The following TSEN15 variants were observed in gnomAD, a reference collection of about 807,000 sequenced individuals.
The protein encoded by TSEN15 is tRNA-splicing endonuclease subunit Sen15.
Under a neutral mutation model 20.5 loss-of-function variants are expected in TSEN15, and 10 were observed. The ratio of observed to expected loss-of-function variants is 0.49; its 90% CI spans 0.30 to 0.83. The LOEUF (loss-of-function observed/expected upper bound fraction) is 0.83. TSEN15 is among the 40% of genes least tolerant of loss of function. The pLI, the probability that TSEN15 is intolerant of heterozygous loss-of-function variation, is 0.06. For missense variants in TSEN15, 180 were observed against 218.6 expected (o/e 0.82, Z 1.11); for synonymous variants, 72 against 80.1 (o/e 0.90, Z 0.54).
chr1:184,084,125 G>T (rs1651217958), intron 3 of TSEN15, among the ~76,000 whole-genome samples: 1 of 152,120 alleles, frequency 6.6e-6, no homozygotes, highest in African/African-American at 2.4e-5. Context: ...GACAAAGTGT[G>T]TCCTTCCAGG....
intron 3 of TSEN15, among the ~76,000 whole-genome samples, chr1:184,055,558 A>G (rs899993715): frequency 6.6e-6 from 1 of 152,368 alleles, no homozygotes. Flanking sequence ...AACAGCTGTT[A>G]TAAGATGTAC....
chr1:184,088,226 A>C (rs1486298486), intron 3 of TSEN15, among the ~76,000 whole-genome samples: 1 of 152,014 alleles, frequency 6.6e-6, no homozygotes, highest in East Asian at 1.9e-4. Context: ...CACACTGCGG[A>C]GTTATCTTAG....
At chr1:184,095,857 G>C in exon 4 of TSEN15, 2 of 397,950 alleles carry the variant, frequency 5.0e-6, no homozygotes, top group Non-Finnish European at 8.9e-6. Flanking sequence ...CCTGGTCTGT[G>C]GTATTTTGTT....
intron 3 of TSEN15, among the ~76,000 whole-genome samples, chr1:184,063,781 C>T (rs1229436547): frequency 6.6e-6 from 1 of 151,764 alleles, no homozygotes. Context: ...ATTTTTAAAT[C>T]CATTGCCTTT....
rs1367503368 is a variant in TSEN15 at position 184,072,811 on chromosome 1, T to C, written c.496-16T>C. On this transcript the variant is annotated splice_polypyrimidine_tract_variant and intron_variant, in intron 4 of 4. Coordinates refer to ENST00000645668, the MANE Select transcript of TSEN15 (RefSeq NM_052965.4). ...TTTATCGGAGAAAAGTCCATCCTGA[T>C]CTTTTTTTTTTCCAGAATATTTCTC... 1.9e-6 allele frequency: 3 copies of C among 1,595,476 alleles called. No individual in the cohort carries two copies. The highest frequency in any genetic ancestry group is 2.6e-6 in the Non-Finnish European group (3 of 1,170,824).
intron 3 of TSEN15, among the ~76,000 whole-genome samples, chr1:184,070,291 C>T (rs1190385195): frequency 6.6e-6 from 1 of 151,978 alleles, no homozygotes; most frequent in Non-Finnish European, 1.5e-5. Context: ...AACATTATAT[C>T]TTCAGAAATG....
chr1:184,087,918 G>A (rs529022153), intron 3 of TSEN15, among the ~76,000 whole-genome samples: 6 of 152,258 alleles, frequency 3.9e-5, no homozygotes, highest in South Asian at 4.1e-4. Context: ...AGATAGTATC[G>A]GAGATGGAGG....
intron 3 of TSEN15, among the ~76,000 whole-genome samples, chr1:184,085,421 A>G (rs544392034): frequency 6.6e-6 from 1 of 152,380 alleles, no homozygotes; most frequent in East Asian, 1.9e-4. Context: ...TGTCTGATAC[A>G]TAGTGGGTGT....
At chr1:184,063,600 C>T in intron 3 of TSEN15, among the ~76,000 whole-genome samples, 1 of 152,034 alleles carries the variant, frequency 6.6e-6, no homozygotes, top group Admixed American at 6.6e-5. Flanking sequence ...TACATTGAAT[C>T]CGATGAATTT....
chr1:184,085,122 T>A (rs535784042), intron 3 of TSEN15, among the ~76,000 whole-genome samples: 1 of 152,248 alleles, frequency 6.6e-6, no homozygotes, highest in East Asian at 1.9e-4. Flanking sequence ...GAAGCTGTAC[T>A]GGGGCAATTC....
intron 3 of TSEN15, among the ~76,000 whole-genome samples, chr1:184,087,112 G>A (rs1176279501): frequency 2.0e-5 from 3 of 152,156 alleles, no homozygotes; most frequent in African/African-American, 7.2e-5. Flanking sequence ...AGAAAGGTAT[G>A]ATGAGGAAAA....
At chr1:184,078,542 T>G (rs1651105546), downstream of TSEN15, among the ~76,000 whole-genome samples, 1 of 152,094 alleles carries the variant, frequency 6.6e-6, no homozygotes, top group Non-Finnish European at 1.5e-5. Context: ...GCCTTTCTTT[T>G]CTGGAGTCTC....
chr1:184,072,105 TC>T, intron 3 of TSEN15, 51 bp from the exon 4 acceptor site: 1 of 1,575,502 alleles, frequency 6.3e-7, no homozygotes. Flanking sequence ...CTGTCACATC[TC>T]ATCTAATTGA....
chr1:184,054,320 C>A (rs1283872219), intron 1 of TSEN15, 34 bp from the exon 2 acceptor site: 1 of 1,310,662 alleles, frequency 7.6e-7, no homozygotes, highest in Non-Finnish European at 1.1e-6. Context: ...ATAATTTTTT[C>A]TTCTCAATTT....
chr1:184,090,960 A>G (rs1480631737), intron 3 of TSEN15, among the ~76,000 whole-genome samples: 1 of 152,222 alleles, frequency 6.6e-6, no homozygotes, highest in Non-Finnish European at 1.5e-5. Context: ...TGAGGTTTAC[A>G]AAATGATTTG....
At chr1:184,096,310 C>T (rs1439817255) in exon 4 of TSEN15, 1 of 152,154 alleles carries the variant, frequency 6.6e-6, no homozygotes, top group Non-Finnish European at 1.5e-5. Flanking sequence ...GAGCCTGAGG[C>T]TAGGACTGTG....
At chr1:184,092,047 G>A (rs1651366637) in intron 3 of TSEN15, among the ~76,000 whole-genome samples, 1 of 152,182 alleles carries the variant, frequency 6.6e-6, no homozygotes, top group South Asian at 2.1e-4. Flanking sequence ...CAGAGCATTT[G>A]GTAAATCTGT....
intron 3 of TSEN15, among the ~76,000 whole-genome samples, chr1:184,086,445 A>G (rs1053907097): frequency 2.6e-5 from 4 of 152,210 alleles, no homozygotes; most frequent in Non-Finnish European, 5.9e-5. Flanking sequence ...GTGACAAATT[A>G]TCCCAAAGCT....
chr1:184,092,338 A>G (rs1651374857), intron 3 of TSEN15, among the ~76,000 whole-genome samples: 1 of 152,250 alleles, frequency 6.6e-6, no homozygotes, highest in African/African-American at 2.4e-5. Context: ...AATTTAATAG[A>G]TACCATGCTA....
Sources: allele counts gnomAD v4.1 joint callset (sites outside exome capture counted in the v4.1 genomes callset), GRCh38; gene constraint gnomAD v4.1.1; transcripts MANE v1.5; gene names NCBI Gene and HGNC (gene_info 2026-07-23, HGNC 2026-07-21).